ME3: variants seen among roughly 807,000 people sequenced by gnomAD.
ME3 encodes NADP-dependent malic enzyme, mitochondrial.
A neutral mutation model predicts 68.9 loss-of-function variants in ME3; 48 were observed. The ratio of observed to expected loss-of-function variants is 0.70; its 90% CI spans 0.55 to 0.89. The LOEUF (loss-of-function observed/expected upper bound fraction) is 0.89. Ranked by LOEUF, ME3 falls within the 40% of genes least tolerant of loss-of-function variation. The pLI is 0.00. For synonymous variants in ME3, 320 were observed against 318.8 expected (o/e 1.00, Z -0.04); for missense variants, 675 against 797.4 (o/e 0.85, Z 1.85).
intron 2 of ME3, among the ~76,000 whole-genome samples, chr11:86,667,100 T>TCTGC (rs1946633737): frequency 6.6e-6 from 1 of 152,248 alleles, no homozygotes; most frequent in African/African-American, 2.4e-5. Context: ...GCTCTAAATG[T>TCTGC]ATCAAGTCCA....
At chr11:86,461,669 T>C (rs1950230082) in intron 8 of ME3, among the ~76,000 whole-genome samples, 1 of 152,148 alleles carries the variant, frequency 6.6e-6, no homozygotes, top group Non-Finnish European at 1.5e-5. Flanking sequence ...GGTGGCTCTC[T>C]CTCTCTGAGG....
intron 4 of ME3, among the ~76,000 whole-genome samples, chr11:86,514,815 T>C (rs565912921): frequency 6.6e-6 from 1 of 152,320 alleles, no homozygotes; most frequent in African/African-American, 2.4e-5. Context: ...CCATAGTAAA[T>C]ACATAACAAA....
chr11:86,519,265 A>T (rs1307890893), intron 4 of ME3, among the ~76,000 whole-genome samples: 1 of 152,248 alleles, frequency 6.6e-6, no homozygotes, highest in Non-Finnish European at 1.5e-5. Flanking sequence ...TGCAAATTAC[A>T]TCACTATCTT....
At chr11:86,473,811 G>C (rs1232195493) in intron 7 of ME3, among the ~76,000 whole-genome samples, 1 of 152,206 alleles carries the variant, frequency 6.6e-6, no homozygotes, top group Non-Finnish European at 1.5e-5. Flanking sequence ...ATTGGAGAAA[G>C]AGGGAATACG....
At chr11:86,567,371 G>A (rs1957547191) in intron 2 of ME3, among the ~76,000 whole-genome samples, 1 of 152,032 alleles carries the variant, frequency 6.6e-6, no homozygotes, top group Admixed American at 6.6e-5. Flanking sequence ...TTGAATACTG[G>A]GCTTCTTTTG....
downstream of ME3, among the ~76,000 whole-genome samples, chr11:86,440,243 T>A (rs1308141332): frequency 6.6e-6 from 1 of 152,178 alleles, no homozygotes; most frequent in Non-Finnish European, 1.5e-5. Context: ...TCTCCACATG[T>A]CTTAACATCT....
At chr11:86,533,811 C>T (rs1955438680) in intron 4 of ME3, among the ~76,000 whole-genome samples, 1 of 152,094 alleles carries the variant, frequency 6.6e-6, no homozygotes, top group South Asian at 2.1e-4. Flanking sequence ...TGTGTGAACA[C>T]TGTAAAGTGC....
At chr11:86,578,109 G>A (rs1460217513) in intron 2 of ME3, among the ~76,000 whole-genome samples, 2 of 152,162 alleles carry the variant, frequency 1.3e-5, no homozygotes, top group Non-Finnish European at 2.9e-5. Context: ...AGGGAACAGA[G>A]GTGGATAGTT....
rs1462779105 is a variant in ME3, at chr11:86,672,594, TC to T, written c.-286del. 4.0e-5 allele frequency: 6 copies of T among 148,956 alleles called. No individual in the cohort carries two copies. Among genetic ancestry groups the T allele is most frequent in the African/African-American group, 1.5e-4 (6 of 40,120 alleles). 9.2% of individuals were successfully genotyped at this position (148,956 alleles called of 1,614,324 possible). On this transcript the variant is annotated 5_prime_UTR_variant, in exon 1 of 15. It removes the in-frame stop codon of an upstream open reading frame in the 5' UTR. Transcript: ENST00000543262. ...AGCTCAGAATGCCCGCCTGAGACTCTCCATCTTGGCAAGACTAAATGCACAG... is the reference window on the plus strand; with the variant it reads ...AGCTCAGAATGCCCGCCTGAGACTCTCATCTTGGCAAGACTAAATGCACAG...
intron 7 of ME3, among the ~76,000 whole-genome samples, chr11:86,475,986 G>A (rs1245842307): frequency 9.2e-5 from 14 of 151,846 alleles, no homozygotes; most frequent in Admixed American, 3.9e-4. Context: ...CATTGCAATC[G>A]GGGCTTAGAC....
intron 4 of ME3, among the ~76,000 whole-genome samples, chr11:86,554,929 G>C (rs1956855662): frequency 6.6e-6 from 1 of 152,196 alleles, no homozygotes; most frequent in Non-Finnish European, 1.5e-5. Context: ...AAAACTATGG[G>C]ATAGACGAAG....
intron 2 of ME3, among the ~76,000 whole-genome samples, chr11:86,608,962 A>G (rs898778833): frequency 6.6e-6 from 1 of 152,234 alleles, no homozygotes; most frequent in Non-Finnish European, 1.5e-5. Flanking sequence ...ATAGCCACCA[A>G]TGATTGAGCT....
At chr11:86,448,091 C>T (rs1818572070) in intron 11 of ME3, 59 bp downstream of exon 11, 1 of 1,224,474 alleles carries the variant, frequency 8.2e-7, no homozygotes, top group Non-Finnish European at 1.2e-6. Context: ...CTCTGTCTCT[C>T]CATCTGCAAG....
At chr11:86,508,692 C>T in intron 5 of ME3, 100 bp downstream of exon 5, 1 of 1,094,760 alleles carries the variant, frequency 9.1e-7, no homozygotes, top group East Asian at 2.4e-5. Context: ...ATGCTGCCTT[C>T]AGTGTCATAA....
At chr11:86,601,420 G>T (rs1309172402) in intron 2 of ME3, among the ~76,000 whole-genome samples, 1 of 152,120 alleles carries the variant, frequency 6.6e-6, no homozygotes, top group East Asian at 1.9e-4. Context: ...TTGAATCTCT[G>T]AATAGACCAA....
chr11:86,465,295 C>G, intron 7 of ME3, 95 bp from the exon 8 acceptor site: 25 of 819,392 alleles, frequency 3.1e-5, no homozygotes, highest in East Asian at 8.7e-5. Flanking sequence ...AGGTGCAGGC[C>G]TGGGGGTGGG....
chr11:86,462,686 C>T, intron 8 of ME3: 1 of 925,560 alleles, frequency 1.1e-6, no homozygotes, highest in Non-Finnish European at 1.5e-6. Flanking sequence ...AGCTGGGGAA[C>T]AAGAATGGAT....
chr11:86,482,836 C>A (rs1195187182), intron 7 of ME3, among the ~76,000 whole-genome samples: 1 of 152,084 alleles, frequency 6.6e-6, no homozygotes, highest in Non-Finnish European at 1.5e-5. Context: ...CCGCTCCCAG[C>A]TAGTTAGCCA....
Position 86,481,241 on chromosome 11 carries a change from G to A in ME3, c.809+6096C>T, listed in dbSNP as rs181522720. 9.1e-3 allele frequency among the ~76,000 whole-genome samples: 1,350 copies of A among 147,928 alleles called. 59 individuals are homozygous for A. The highest frequency in any genetic ancestry group is 0.063 in the Admixed American group (925 of 14,742). Reference sequence around the variant, plus strand: ...TTTTTTTTTTTTTTTTTTGGGAGACGGGGGTGTCACTATGTTGCCTGGGCT... The same window carrying A: ...TTTTTTTTTTTTTTTTTTGGGAGACAGGGGTGTCACTATGTTGCCTGGGCT... On this transcript the variant is annotated intron_variant, in intron 7 of 14. Coordinates refer to ENST00000543262, the Ensembl canonical transcript of ME3.
Sources: gnomAD v4.1 joint callset for allele counts (sites outside exome capture counted in the v4.1 genomes callset) on GRCh38, gnomAD v4.1.1 for gene constraint, MANE v1.5 for transcripts, NCBI Gene and HGNC (gene_info 2026-07-23, HGNC 2026-07-21) for gene names.